ERC2: variants seen among roughly 807,000 people sequenced by gnomAD.
The protein encoded by ERC2 is ERC protein 2.
In ERC2, 42 loss-of-function variants were observed where a neutral mutation model predicts 114.8. The ratio of observed to expected loss-of-function variants is 0.37; its 90% CI spans 0.29 to 0.47. The LOEUF is 0.47. Ranked by LOEUF, ERC2 falls within the 20% of genes least tolerant of loss-of-function variation. The pLI is 0.99. For synonymous variants in ERC2, 454 were observed against 425.5 expected (o/e 1.07, Z -0.82); for missense variants, 939 against 1,150.7 (o/e 0.82, Z 2.66).
chr3:56,358,706 G>A (rs921782372), intron 2 of ERC2, among the ~76,000 whole-genome samples: 2 of 152,226 alleles, frequency 1.3e-5, no homozygotes, highest in Admixed American at 1.3e-4. Context: ...AGTAACTGTG[G>A]ATGTGGGCAA....
intron 16 of ERC2, among the ~76,000 whole-genome samples, chr3:55,690,437 C>T (rs1467532492): frequency 6.6e-6 from 1 of 152,188 alleles, no homozygotes; most frequent in African/African-American, 2.4e-5. Context: ...AGTGCTGCCT[C>T]TTAGACAAAT....
chr3:55,783,884 T>G (rs1166979657), intron 14 of ERC2, among the ~76,000 whole-genome samples: 2 of 152,224 alleles, frequency 1.3e-5, no homozygotes, highest in Non-Finnish European at 2.9e-5. Flanking sequence ...GTCGAATATC[T>G]AAAATGGTAT....
At chr3:55,651,011 C>T (rs925276559) in intron 17 of ERC2, among the ~76,000 whole-genome samples, 1 of 130,658 alleles carries the variant, frequency 7.7e-6, no homozygotes, top group Admixed American at 8.6e-5. Context: ...TCACACCCAG[C>T]TAATTTTTTT....
intron 3 of ERC2, among the ~76,000 whole-genome samples, chr3:56,178,138 A>G (rs556478827): frequency 6.6e-6 from 1 of 152,328 alleles, no homozygotes; most frequent in South Asian, 2.1e-4. Flanking sequence ...GGCGTTAATG[A>G]GAGTCTAGAG....
chr3:55,554,457 G>T (rs916728089), intron 17 of ERC2, among the ~76,000 whole-genome samples: 2 of 152,166 alleles, frequency 1.3e-5, no homozygotes, highest in African/African-American at 4.8e-5. Context: ...GTGCAGACGG[G>T]ACCTGAAGGA....
At chr3:56,246,394 C>T (rs1413041990) in intron 3 of ERC2, among the ~76,000 whole-genome samples, 1 of 152,152 alleles carries the variant, frequency 6.6e-6, no homozygotes, top group Non-Finnish European at 1.5e-5. Context: ...AAACTGTCTC[C>T]AGTCATTGCC....
intron 3 of ERC2, among the ~76,000 whole-genome samples, chr3:56,287,545 C>T (rs1289272889): frequency 1.3e-5 from 2 of 152,136 alleles, no homozygotes; most frequent in African/African-American, 4.8e-5. Flanking sequence ...ATTTATAGTC[C>T]CCAATTCAAC....
intron 8 of ERC2, among the ~76,000 whole-genome samples, chr3:56,013,431 G>A (rs2073095024): frequency 6.6e-6 from 1 of 152,158 alleles, no homozygotes; most frequent in Non-Finnish European, 1.5e-5. Flanking sequence ...AGATTGTGAT[G>A]TTGCCAAAAG....
At chr3:55,859,972 C>A (rs1396541788) in intron 14 of ERC2, among the ~76,000 whole-genome samples, 4 of 152,070 alleles carry the variant, frequency 2.6e-5, no homozygotes, top group Non-Finnish European at 5.9e-5. Context: ...CCCAAGCCTC[C>A]TACTATTCAT....
intron 15 of ERC2, among the ~76,000 whole-genome samples, chr3:55,701,214 A>T (rs893399175): frequency 6.6e-6 from 1 of 152,198 alleles, no homozygotes; most frequent in Non-Finnish European, 1.5e-5. Flanking sequence ...CTTATTCTCA[A>T]TACTTTCCCA....
At chr3:55,969,891 C>T (rs1384166059) in intron 12 of ERC2, among the ~76,000 whole-genome samples, 1 of 152,066 alleles carries the variant, frequency 6.6e-6, no homozygotes, top group East Asian at 1.9e-4. Flanking sequence ...TAAAATGAGG[C>T]CATACCCTGA....
At chr3:55,784,045 G>A (rs1041294155) in intron 14 of ERC2, among the ~76,000 whole-genome samples, 1 of 152,186 alleles carries the variant, frequency 6.6e-6, no homozygotes, top group African/African-American at 2.4e-5. Context: ...AGGGGAAGGG[G>A]TACTTGTTAT....
chr3:55,720,691 T>G (rs1252248868), intron 15 of ERC2, among the ~76,000 whole-genome samples: 1 of 152,160 alleles, frequency 6.6e-6, no homozygotes, highest in Non-Finnish European at 1.5e-5. Flanking sequence ...GACCCTATGT[T>G]TGAACACTGC....
chr3:56,281,160 G>A (rs939607755), intron 3 of ERC2, among the ~76,000 whole-genome samples: 2 of 152,122 alleles, frequency 1.3e-5, no homozygotes, highest in African/African-American at 2.4e-5. Flanking sequence ...AGGACAGGCC[G>A]GGCACGGTGG....
chr3:56,290,591 TCAG>T (rs1464489473), intron 3 of ERC2, among the ~76,000 whole-genome samples: 1 of 152,160 alleles, frequency 6.6e-6, no homozygotes, highest in African/African-American at 2.4e-5. Context: ...ATGGCTTAGG[TCAG>T]CAGAACTAGG....
intron 1 of ERC2, among the ~76,000 whole-genome samples, chr3:56,456,295 T>C (rs183026167): frequency 2.1e-4 from 32 of 152,342 alleles, no homozygotes; most frequent in African/African-American, 4.8e-4. Context: ...TAATCACCTA[T>C]TCTGACTAGC....
intron 14 of ERC2, among the ~76,000 whole-genome samples, chr3:55,844,283 A>G (rs2061260596): frequency 6.6e-6 from 1 of 152,204 alleles, no homozygotes; most frequent in African/African-American, 2.4e-5. Context: ...ACTATTCATA[A>G]TAGTCCCCAA....
chr3:55,747,628 CTCATTAA>C (rs2066390659), intron 14 of ERC2, among the ~76,000 whole-genome samples: 1 of 152,246 alleles, frequency 6.6e-6, no homozygotes, highest in African/African-American at 2.4e-5. Context: ...CTAATGCACA[CTCATTAA>C]TCATGATCTT....
intron 2 of ERC2, among the ~76,000 whole-genome samples, chr3:56,392,295 G>A (rs1374998150): frequency 6.6e-6 from 1 of 152,142 alleles, no homozygotes; most frequent in Non-Finnish European, 1.5e-5. Context: ...AGTAACAGAA[G>A]TCTGTCACAT....
Sources: gnomAD v4.1 joint callset for allele counts (sites outside exome capture counted in the v4.1 genomes callset) on GRCh38, gnomAD v4.1.1 for gene constraint, MANE v1.5 for transcripts, NCBI Gene and HGNC (gene_info 2026-07-23, HGNC 2026-07-21) for gene names.